COL4A6: variants seen among roughly 807,000 people sequenced by gnomAD.
The protein encoded by COL4A6 is collagen type IV alpha 6 chain.
Under a neutral mutation model 126.7 loss-of-function variants are expected in COL4A6, and 59 were observed. The ratio of observed to expected loss-of-function variants is 0.47; its 90% CI spans 0.38 to 0.58. COL4A6 has a LOEUF of 0.58. Ranked by LOEUF, COL4A6 falls within the 20% of genes least tolerant of loss-of-function variation. The probability of loss-of-function intolerance (pLI) is 0.00; values close to 1 mark genes in which losing one functional copy is unlikely to be tolerated. For synonymous variants in COL4A6, 547 were observed against 496.6 expected, an observed-to-expected ratio of 1.10 and a Z score of -1.35; for missense variants, 1,285 against 1,337.3, an observed-to-expected ratio of 0.96 and a Z score of 0.61.
chrX:108,251,719 C>T lies in COL4A6; in HGVS notation c.145-30345G>A, dbSNP rs756116437. Reference sequence around the variant, plus strand: ...GTTATAGAGTAAATAAAGGCACAAACATAAATTTCCATGCCAAACATATTT... The same window carrying T: ...GTTATAGAGTAAATAAAGGCACAAATATAAATTTCCATGCCAAACATATTT... On this transcript the variant is annotated intron_variant, in intron 3 of 44. Transcript: ENST00000334504. Among the ~76,000 whole-genome samples the T allele has an allele frequency of 4.5e-5, 5 of 111,742 alleles. No individual in the cohort carries two copies. In the East Asian group the frequency reaches 1.1e-3, roughly 25 times the overall value.
chrX:108,159,325 T>C (rs917929658), intron 44 of COL4A6, 137 bp downstream of exon 44: 3 of 756,017 alleles, frequency 4.0e-6, no homozygotes, highest in Non-Finnish European at 5.7e-6. Context: ...GGGTTCTCCA[T>C]TCTTTAGCCA....
chrX:108,163,191 ATAT>A, intron 40 of COL4A6, 153 bp from the exon 41 acceptor site: 3 of 446,369 alleles, frequency 6.7e-6, no homozygotes, highest in African/African-American at 2.6e-5. Context: ...GCACTGTGTG[ATAT>A]TATACAATCT....
chrX:108,253,621 T>A (rs2036912883), intron 3 of COL4A6, among the ~76,000 whole-genome samples: 2 of 111,924 alleles, frequency 1.8e-5, no homozygotes, highest in African/African-American at 6.5e-5. Context: ...GGGATATTTG[T>A]TGAAATGAGA....
intron 2 of COL4A6, among the ~76,000 whole-genome samples, chrX:108,333,689 A>G (rs759608318): frequency 8.9e-6 from 1 of 111,985 alleles, no homozygotes; most frequent in South Asian, 3.7e-4. Flanking sequence ...GATTTGATAA[A>G]TGACTTCAAT....
chrX:108,213,951 A>G (rs1343411166), intron 6 of COL4A6, 161 bp downstream of exon 6: 3 of 471,611 alleles, frequency 6.4e-6, no homozygotes, highest in Non-Finnish European at 1.1e-5. Context: ...TCTTCTTTAG[A>G]CTTTTACTGT....
At chrX:108,240,255 A>AAAC (rs773960653) in intron 3 of COL4A6, among the ~76,000 whole-genome samples, 133 of 111,403 alleles carry the variant, frequency 1.2e-3, no homozygotes, top group Middle Eastern at 4.6e-3. Context: ...AACAAAAACA[A>AAAC]AACAACAACA....
intron 2 of COL4A6, among the ~76,000 whole-genome samples, chrX:108,391,871 C>T (rs753959319): frequency 7.1e-5 from 8 of 112,382 alleles, no homozygotes; most frequent in Middle Eastern, 4.6e-3. Flanking sequence ...TGAGATGAAC[C>T]GGGTACCTCA....
chrX:108,406,100 T>C (rs1268145394), intron 2 of COL4A6, among the ~76,000 whole-genome samples: 1 of 111,268 alleles, frequency 9.0e-6, no homozygotes, highest in African/African-American at 3.3e-5. Flanking sequence ...CTTGAGTAGC[T>C]AGTACTACAG....
intron 2 of COL4A6, among the ~76,000 whole-genome samples, chrX:108,325,446 A>G (rs1439431421): frequency 8.9e-6 from 1 of 112,078 alleles, no homozygotes; most frequent in Non-Finnish European, 1.9e-5. Flanking sequence ...TATCTATTAA[A>G]GAAATTGAAT....
chrX:108,319,175 G>A (rs765932770), intron 2 of COL4A6, among the ~76,000 whole-genome samples: 3 of 111,929 alleles, frequency 2.7e-5, no homozygotes, highest in African/African-American at 9.7e-5. Flanking sequence ...CGAGGAGTTC[G>A]AGACCAGCCT....
intron 2 of COL4A6, among the ~76,000 whole-genome samples, chrX:108,422,168 G>A (rs745702392): frequency 2.0e-4 from 22 of 111,038 alleles, no homozygotes; most frequent in Non-Finnish European, 3.0e-4. Flanking sequence ...TTGAGCCCAG[G>A]AGTTCCCAGC....
chrX:108,363,321 T>C (rs1347460731), intron 2 of COL4A6, among the ~76,000 whole-genome samples: 1 of 112,211 alleles, frequency 8.9e-6, no homozygotes, highest in Non-Finnish European at 1.9e-5. Flanking sequence ...AATCTCTATA[T>C]GTGGACCTCT....
rs189182194 is a variant in COL4A6 at position 108,376,780 on chromosome X, C to T, written c.63+61162G>A. ...TTCTGAAAATATGTACAAACTCATA[C>T]TCACACAAACACTCTCACTTAATAC... On this transcript the variant is annotated intron_variant, in intron 2 of 44. Transcript: ENST00000334504. Among the ~76,000 whole-genome samples, 688 of 112,527 alleles carry T rather than the reference C, an allele frequency of 6.1e-3. 2 individuals carry two copies. Among genetic ancestry groups the T allele is most frequent in the East Asian group, 0.035 (127 of 3,582 alleles).
chrX:108,271,138 C>A (rs772639224), intron 3 of COL4A6, among the ~76,000 whole-genome samples: 32 of 112,182 alleles, frequency 2.9e-4, no homozygotes, highest in African/African-American at 1.0e-3. Flanking sequence ...GGGCTGTGGC[C>A]GGCAAGTTTG....
chrX:108,432,058 G>A (rs1248924347), intron 2 of COL4A6, among the ~76,000 whole-genome samples: 2 of 112,541 alleles, frequency 1.8e-5, no homozygotes, highest in Admixed American at 9.3e-5. Flanking sequence ...TGCATATACG[G>A]TGGTCACCTA....
chrX:108,292,979 G>GAAAAA (rs2038204293), intron 3 of COL4A6, among the ~76,000 whole-genome samples: 1 of 21,200 alleles, frequency 4.7e-5, no homozygotes, highest in African/African-American at 1.7e-4. Context: ...AGAAAGGAAA[G>GAAAAA]AGAAGGAAAA....
intron 3 of COL4A6, among the ~76,000 whole-genome samples, chrX:108,235,491 G>C (rs2036408815): frequency 9.0e-6 from 1 of 111,462 alleles, no homozygotes; most frequent in South Asian, 3.8e-4. Flanking sequence ...TCAGGCTGAA[G>C]ACCTTGTCTA....
chrX:108,399,098 G>A (rs988431265), intron 2 of COL4A6, among the ~76,000 whole-genome samples: 5 of 111,245 alleles, frequency 4.5e-5, no homozygotes, highest in Non-Finnish European at 9.5e-5. Flanking sequence ...TGGTGAAGGA[G>A]GCACATAAGT....
At chrX:108,395,033 A>G (rs1437292771) in intron 2 of COL4A6, among the ~76,000 whole-genome samples, 3 of 111,410 alleles carry the variant, frequency 2.7e-5, no homozygotes, top group African/African-American at 9.8e-5. Context: ...CTGAGATTCT[A>G]TGTTGCCATA....
Sources: allele counts gnomAD v4.1 joint callset (sites outside exome capture counted in the v4.1 genomes callset), GRCh38; gene constraint gnomAD v4.1.1; transcripts MANE v1.5; gene names NCBI Gene and HGNC (gene_info 2026-07-23, HGNC 2026-07-21).